CFAP97D2: variants seen among roughly 807,000 people sequenced by gnomAD.
CFAP97D2 encodes the protein CFAP97 domain containing 2.
chr13:114,205,551 G>T (rs971453827), intron 3 of CFAP97D2, among the ~76,000 whole-genome samples: 1 of 152,118 alleles, frequency 6.6e-6, no homozygotes, highest in Non-Finnish European at 1.5e-5. Flanking sequence ...TTATTTTCAT[G>T]TTCAGTGAGG....
intron 2 of CFAP97D2, among the ~76,000 whole-genome samples, chr13:114,197,332 G>C (rs907486295): frequency 6.6e-6 from 1 of 152,152 alleles, no homozygotes; most frequent in African/African-American, 2.4e-5. Flanking sequence ...GCTACAAAGA[G>C]TCTTTTTGTC....
At chr13:114,190,269 A>G (rs1165116172) in intron 1 of CFAP97D2, among the ~76,000 whole-genome samples, 1 of 152,238 alleles carries the variant, frequency 6.6e-6, no homozygotes, top group African/African-American at 2.4e-5. Flanking sequence ...CCTCTTAAAC[A>G]TCGTAACATT....
chr13:114,210,626 C>T (rs1028058286), intron 3 of CFAP97D2, among the ~76,000 whole-genome samples: 6 of 152,192 alleles, frequency 3.9e-5, no homozygotes, highest in African/African-American at 9.6e-5. Flanking sequence ...CCATGGGCAA[C>T]GTTGCCCAGC....
chr13:114,187,665 C>T lies in CFAP97D2; in HGVS notation c.90+8245C>T, dbSNP rs1308171332. ...TTATCACAATTGGAGACTTCAACAC[C>T]CCCTGTCAGAAATGTGCAGATCCAA... On this transcript the variant is annotated intron_variant, in intron 1 of 4. Coordinates refer to ENST00000646158, the Ensembl canonical transcript of CFAP97D2. This position sits in a 1 kb window ranked among gnomAD's most constrained non-coding sequence, Gnocchi z 4.2. 1.3e-5 allele frequency among the ~76,000 whole-genome samples: 2 copies of T among 151,994 alleles called. No individual in the cohort carries two copies. The highest frequency in any genetic ancestry group is 4.8e-5 in the African/African-American group (2 of 41,364).
rs188034451 is a variant in CFAP97D2 at position 114,209,483 on chromosome 13, G to T, written c.291-2429G>T. Among the ~76,000 whole-genome samples the T allele has an allele frequency of 2.8e-3, 425 of 152,302 alleles. 4 individuals are homozygous for T. The highest frequency in any genetic ancestry group is 3.1e-3 in the Non-Finnish European group (209 of 68,030). On this transcript the variant is annotated intron_variant, in intron 3 of 4. Transcript: ENST00000646158. Reference sequence around the variant, plus strand: ...AGGGGCCCTTCCTGGTATGTGAAAAGAAATCTAGAGTGTTCGTGTAGGCCT... The same window carrying T: ...AGGGGCCCTTCCTGGTATGTGAAAATAAATCTAGAGTGTTCGTGTAGGCCT...
chr13:114,183,324 G>C (rs1327030531), intron 1 of CFAP97D2, among the ~76,000 whole-genome samples: 1 of 152,010 alleles, frequency 6.6e-6, no homozygotes, highest in Non-Finnish European at 1.5e-5. Context: ...GTGCCACCAT[G>C]CCTGGCTAAT....
chr13:114,216,939 T>C (rs9562158), intron 4 of CFAP97D2, among the ~76,000 whole-genome samples: 42,297 of 151,932 alleles, frequency 0.28, 7,811 homozygotes, highest in East Asian at 0.55. Context: ...TCTCCACATC[T>C]TCTCCAGCAC....
At chr13:114,208,034 G>A (rs1288443495) in intron 3 of CFAP97D2, among the ~76,000 whole-genome samples, 1 of 152,160 alleles carries the variant, frequency 6.6e-6, no homozygotes, top group Non-Finnish European at 1.5e-5. Flanking sequence ...TGTGAGCCAG[G>A]CTCTTGGTGG....
At chr13:114,218,479 C>A (rs1215717664) in intron 4 of CFAP97D2, among the ~76,000 whole-genome samples, 1 of 152,134 alleles carries the variant, frequency 6.6e-6, no homozygotes, top group Non-Finnish European at 1.5e-5. Flanking sequence ...TCAATGCCAT[C>A]CCCATCAAGC....
At position 114,187,281 on chromosome 13, in the gene CFAP97D2, TAACA is replaced by T. The variant is rs1454812944; in HGVS notation, c.90+7868_90+7871del. 1.4e-5 allele frequency among the ~76,000 whole-genome samples: 2 copies of T among 145,792 alleles called. No homozygotes were observed. The highest frequency in any genetic ancestry group is 1.4e-4 in the Admixed American group (2 of 14,792). On this transcript the variant is annotated intron_variant, in intron 1 of 4. Transcript: ENST00000646158. This position sits in a 1 kb window ranked among gnomAD's most constrained non-coding sequence, Gnocchi z 4.2. The stretch of plus-strand genomic sequence containing the variant: ...AGACAAAAATAACAAATATCAAGAG[TAACA>T]AACAAAATAGTAACAAATATGATAG...
chr13:114,189,475 TG>T lies in CFAP97D2; in HGVS notation c.91-6920del, dbSNP rs1794050854. Among the ~76,000 whole-genome samples the T allele has an allele frequency of 6.6e-6, 1 of 152,234 alleles. No individual in the cohort carries two copies. The highest frequency in any genetic ancestry group is 2.4e-5 in the African/African-American group (1 of 41,470). On this transcript the variant is annotated intron_variant, in intron 1 of 4. Transcript: ENST00000646158. The surrounding 1 kb of genome is among the most constrained non-coding windows in gnomAD (Gnocchi z 4.5). ...TGAAGCAGTGGGAATACCTCCTGTA[TG>T]TATTCTGTGAAGCAGCACTACCTTA... is the stretch of plus-strand genomic sequence containing the variant.
At position 114,182,452 on chromosome 13, in the gene CFAP97D2, T is replaced by A. The variant is rs553849150; in HGVS notation, c.90+3032T>A. Among the ~76,000 whole-genome samples the A allele has an allele frequency of 3.7e-3, 567 of 151,860 alleles. 6 individuals carry two copies. The highest frequency in any genetic ancestry group is 0.013 in the African/African-American group (525 of 41,334). Reference sequence around the variant, plus strand: ...TCCTCTATCTCAACTGCAAGAGGCCTTCCTCTTTTACTAATCCACCTCAGC... The same window carrying A: ...TCCTCTATCTCAACTGCAAGAGGCCATCCTCTTTTACTAATCCACCTCAGC... On this transcript the variant is annotated intron_variant, in intron 1 of 4. Coordinates refer to ENST00000646158, the Ensembl canonical transcript of CFAP97D2.
At chr13:114,204,460 A>G (rs1183631300) in intron 3 of CFAP97D2, among the ~76,000 whole-genome samples, 2 of 152,218 alleles carry the variant, frequency 1.3e-5, no homozygotes, top group South Asian at 4.1e-4. Flanking sequence ...CAAACTTACT[A>G]AGAAAGCTAT....
At chr13:114,180,340 G>A (rs968032423) in intron 1 of CFAP97D2, among the ~76,000 whole-genome samples, 4 of 152,158 alleles carry the variant, frequency 2.6e-5, no homozygotes, top group African/African-American at 9.7e-5. Flanking sequence ...TGTGGCCTGG[G>A]CTGCAGGTCA....
At chr13:114,219,315 T>C (rs1157298799) in intron 4 of CFAP97D2, among the ~76,000 whole-genome samples, 1 of 152,246 alleles carries the variant, frequency 6.6e-6, no homozygotes, top group South Asian at 2.1e-4. Flanking sequence ...TTGACATAAG[T>C]ATATTGTATT....
intron 3 of CFAP97D2, among the ~76,000 whole-genome samples, chr13:114,209,037 AAAATT>A (rs1408083963): frequency 6.6e-6 from 1 of 152,200 alleles, no homozygotes; most frequent in African/African-American, 2.4e-5. Context: ...TGGCTAAATG[AAAATT>A]TAGGGAGGAA....
Position 114,179,831 on chromosome 13 carries a change from G to A in CFAP97D2, c.90+411G>A, listed in dbSNP as rs946671993. On this transcript the variant is annotated intron_variant, in intron 1 of 4. Transcript: ENST00000646158. The surrounding 1 kb of genome is among the most constrained non-coding windows in gnomAD (Gnocchi z 4.8). ...GTTTTTGTTTGTTTTTGAGAGGGAT[G>A]TTGCCATAGGGGTGTTGCCATGTTG... Among the ~76,000 whole-genome samples the A allele has an allele frequency of 1.3e-5, 2 of 151,976 alleles. No individual in the cohort carries two copies. The highest frequency in any genetic ancestry group is 4.8e-5 in the African/African-American group (2 of 41,384).
Position 114,200,449 on chromosome 13 carries a change from G to C in CFAP97D2, c.290+6G>C. ...AACAACTCCAAGCACAGGAGGTAAG[G>C]GAGCGGCTCCTGCCATCCCACCCGG... On this transcript the variant is annotated splice_donor_region_variant and intron_variant, in intron 3 of 4. Transcript: ENST00000646158. 2.5e-6 allele frequency: 1 copy of C among 398,648 alleles called. No homozygotes were observed. The allele number at this position is 398,648 out of a possible 1,614,324, so 24.7% of individuals were successfully genotyped here. A position where few individuals can be genotyped will look rare whatever the true frequency, so the allele number is the denominator to read the frequency against.
intron 3 of CFAP97D2, among the ~76,000 whole-genome samples, chr13:114,208,553 G>A (rs2080952024): frequency 6.6e-6 from 1 of 152,138 alleles, no homozygotes; most frequent in African/African-American, 2.4e-5. Context: ...TGATAAGTAT[G>A]AATAATGTTC....
Sources: gnomAD v4.1 joint callset for allele counts (sites outside exome capture counted in the v4.1 genomes callset) on GRCh38, gnomAD v4.1.1 for gene constraint, Gnocchi (gnomAD v3.1) non-coding constraint, MANE v1.5 for transcripts, NCBI Gene and HGNC (gene_info 2026-07-23, HGNC 2026-07-21) for gene names.